The following MYH14 variants were observed in gnomAD, a reference collection of about 807,000 sequenced individuals.
MYH14 encodes the protein myosin-14.
In MYH14, 123 loss-of-function variants were observed where a neutral mutation model predicts 255.5. The ratio of observed to expected loss-of-function variants is 0.48; its 90% CI spans 0.42 to 0.56. The LOEUF (loss-of-function observed/expected upper bound fraction) is 0.56, where lower values mean the gene tolerates loss of function less well. Among genes scored for constraint, MYH14 ranks in the 20% least tolerant of loss-of-function variants. The probability of loss-of-function intolerance (pLI) is 0.00; values close to 1 mark genes in which losing one functional copy is unlikely to be tolerated. For missense variants in MYH14, 2,423 were observed against 2,802.3 expected, an observed-to-expected ratio of 0.86 and a Z score of 3.06; for synonymous variants, 1,095 against 1,161.2, an observed-to-expected ratio of 0.94 and a Z score of 1.16.
chr19:50,247,791 T>C (rs594129), intron 12 of MYH14, among the ~76,000 whole-genome samples: 122,134 of 151,774 alleles, frequency 0.8, 49,406 homozygotes, highest in Admixed American at 0.85. Flanking sequence ...TGAGGCCGGG[T>C]GTGGGGGCTC....
chr19:50,303,426 G>C (rs985992606), intron 40 of MYH14, among the ~76,000 whole-genome samples: 1 of 152,176 alleles, frequency 6.6e-6, no homozygotes, highest in African/African-American at 2.4e-5. Flanking sequence ...GCAAGGGAAA[G>C]TGCTAAAGAC....
Position 50,293,648 on chromosome 19 carries a change from G to A in MYH14, c.5430G>A (p.Ser1810=), listed in dbSNP as rs3745509. The change falls in exon 39 of 43, where the codon TCG becomes TCA. Residue 1810 remains serine, a synonymous_variant. Transcript: ENST00000642316. The surrounding 1 kb of genome is among the most constrained non-coding windows in gnomAD (Gnocchi z 4.1). ...EEELEEEQSN[S]ELLNDRYRKL... Reference sequence around the variant, plus strand: ...AGCTGGAGGAGGAGCAGAGCAACTCGGAGCTGCTCAATGACCGCTACCGCA... The same window carrying A: ...AGCTGGAGGAGGAGCAGAGCAACTCAGAGCTGCTCAATGACCGCTACCGCA... 0.74 allele frequency: 1,184,220 copies of A among 1,609,188 alleles called. 442,992 individuals are homozygous for A. Among genetic ancestry groups the A allele is most frequent in the East Asian group, 0.91 (40,884 of 44,862 alleles).
chr19:50,270,889 T>C (rs1600991686), intron 24 of MYH14, among the ~76,000 whole-genome samples: 1 of 151,950 alleles, frequency 6.6e-6, no homozygotes, highest in African/African-American at 2.4e-5. Context: ...AGAGATGGGG[T>C]TTCACCGTGT....
intron 33 of MYH14, among the ~76,000 whole-genome samples, chr19:50,283,980 G>A (rs1413314018): frequency 6.6e-6 from 1 of 151,936 alleles, no homozygotes; most frequent in Non-Finnish European, 1.5e-5. Context: ...GCTGAGGCAG[G>A]AGAATCGCTT....
intron 10 of MYH14, among the ~76,000 whole-genome samples, chr19:50,237,333 T>G (rs611975): frequency 0.14 from 20,931 of 150,856 alleles, 1,632 homozygotes; most frequent in South Asian, 0.19. Context: ...GAACATTTTT[T>G]TTTTTTTTTG....
In MYH14 at chr19:50,266,517, C is replaced by T. The variant is rs1166095263; in HGVS notation, c.2695-360C>T. Among the ~76,000 whole-genome samples the T allele has an allele frequency of 6.6e-6, 1 of 152,104 alleles. No individual in the cohort carries two copies. Among genetic ancestry groups the T allele is most frequent in the Non-Finnish European group, 1.5e-5 (1 of 68,030 alleles). The stretch of plus-strand genomic sequence containing the variant: ...GAGGTTGCAGTGAGCCGAGATCCCA[C>T]CACTGCACTCCAGCCTGGGCGAGAG... On this transcript the variant is annotated intron_variant, in intron 22 of 42. Transcript: ENST00000642316. The surrounding 1 kb of genome is among the most constrained non-coding windows in gnomAD (Gnocchi z 4.1).
In MYH14 at chr19:50,280,086, C is replaced by T. The variant is rs768760301; in HGVS notation, c.4082C>T (p.Thr1361Ile). The T allele has an allele frequency of 1.2e-6, 2 of 1,611,168 alleles. No individual in the cohort carries two copies. The highest frequency in any genetic ancestry group is 1.7e-5 in the Admixed American group (1 of 59,606). Reference protein sequence around the residue: ...SGALNEAESKTIRLSKELSST... With the variant: ...SGALNEAESKIIRLSKELSST... ...GCGCTGAACGAGGCTGAGTCCAAAA[C>T]CATCCGTCTTAGCAAGGAGCTGAGC... The change falls in exon 31 of 43, where the codon ACC becomes ATC. Residue 1361 changes from threonine to isoleucine, a missense_variant. Around this residue, in one of 3 missense-constraint regions of MYH14, gnomAD observed 1,513 missense variants for 1,674.8 expected, o/e 0.90. Coordinates refer to ENST00000642316, the MANE Select transcript of MYH14 (RefSeq NM_001145809.2). This position sits in a 1 kb window ranked among gnomAD's most constrained non-coding sequence, Gnocchi z 4.8.
chr19:50,309,616 T>C (rs1361893035), intron 42 of MYH14, 24 bp from the exon 43 acceptor site: 4 of 1,535,556 alleles, frequency 2.6e-6, no homozygotes, highest in Non-Finnish European at 3.5e-6. Context: ...TTCATCTCTG[T>C]ATCCTGGTCT....
chr19:50,244,126 C>T, intron 10 of MYH14, 116 bp from the exon 11 acceptor site: 2 of 805,174 alleles, frequency 2.5e-6, no homozygotes. Flanking sequence ...AGATTTTAAG[C>T]TGAGGGGTGG....
rs780868698 is a variant in MYH14 at position 50,259,237 on chromosome 19, C to T, written c.2326C>T (p.Arg776Cys). Residue 776 changes from arginine (R) to cysteine (C), a missense_variant, in exon 19 of 43, where the codon CGC (arginine) becomes TGC (cysteine). Transcript: ENST00000642316. ...IRICRQGFPN[R>C]ILFQEFRQRY... ...CATCTGTCGCCAGGGCTTCCCCAACCGCATCCTCTTCCAGGAGTTCCGGCA... is the reference window on the plus strand; with the variant it reads ...CATCTGTCGCCAGGGCTTCCCCAACTGCATCCTCTTCCAGGAGTTCCGGCA... 4 of 1,587,846 alleles carry T rather than the reference C, an allele frequency of 2.5e-6. No homozygotes were observed. The highest frequency in any genetic ancestry group is 2.3e-5 in the East Asian group (1 of 43,806).
Position 50,252,172 on chromosome 19 carries a change from C to T in MYH14, c.1831-467C>T, listed in dbSNP as rs149509359. 3.9e-5 allele frequency among the ~76,000 whole-genome samples: 6 copies of T among 152,254 alleles called. No homozygotes were observed. Among genetic ancestry groups the T allele is most frequent in the African/African-American group, 1.4e-4 (6 of 41,552 alleles). On this transcript the variant is annotated intron_variant, in intron 15 of 42. Coordinates refer to ENST00000642316, the MANE Select transcript of MYH14 (RefSeq NM_001145809.2). The surrounding 1 kb of genome is among the most constrained non-coding windows in gnomAD (Gnocchi z 4.2). Reference sequence around the variant, plus strand: ...GACCTGGGCCCTGCCCTCGGGGGACCGCTGTCTGGTGGGGGGCACATATGC... The same window carrying T: ...GACCTGGGCCCTGCCCTCGGGGGACTGCTGTCTGGTGGGGGGCACATATGC...
chr19:50,260,913 G>A (rs1349137552), intron 20 of MYH14, among the ~76,000 whole-genome samples, 198 bp downstream of exon 20: 1 of 151,532 alleles, frequency 6.6e-6, no homozygotes, highest in African/African-American at 2.4e-5. Flanking sequence ...GCGTTTGTGT[G>A]CAGGGGCCCA....
In MYH14 at chr19:50,247,022, G is replaced by C; in HGVS notation, c.1229G>C (p.Arg410Pro). The stretch of plus-strand genomic sequence containing the variant: ...CCCTCAGCTGCACAGAAGCTCTGCC[G>C]CCTCTTGGGACTGGGGGTGACGGAT... ...PDNTAAQKLCRLLGLGVTDFS... is the reference protein window; with the variant it reads ...PDNTAAQKLCPLLGLGVTDFS... Residue 410 changes from arginine (R) to proline (P), a missense_variant, in exon 12 of 43, where the codon CGC becomes CCC. Physicochemically the swap from Arg to Pro is moderately radical, Grantham distance 103. This residue lies in a region of MYH14 where 672 missense variants were observed against 881.8 expected (regional missense o/e 0.76). Coordinates refer to ENST00000642316, the MANE Select transcript of MYH14 (RefSeq NM_001145809.2). 1 of 1,612,176 alleles carries C rather than the reference G, an allele frequency of 6.2e-7. No homozygotes were observed. Among genetic ancestry groups the C allele is most frequent in the Non-Finnish European group, 8.5e-7 (1 of 1,179,224 alleles).
At chr19:50,260,239 A>G (rs2034772580) in intron 19 of MYH14, among the ~76,000 whole-genome samples, 1 of 152,148 alleles carries the variant, frequency 6.6e-6, no homozygotes, top group South Asian at 2.1e-4. Flanking sequence ...CAGCCTGGCC[A>G]TCATGGAGAA....
intron 16 of MYH14, among the ~76,000 whole-genome samples, chr19:50,254,339 T>C (rs2034513193): frequency 6.6e-6 from 1 of 152,146 alleles, no homozygotes; most frequent in South Asian, 2.1e-4. Flanking sequence ...GCTAGAAAGA[T>C]AGATTTTATT....
Position 50,293,207 on chromosome 19 carries a change from C to A in MYH14, c.5257-26C>A. Reference sequence around the variant, plus strand: ...TGCCCAGATTGCTTCTCCTCACACCCACCGGCCACCCCTCCATCATCACAG... The same window carrying A: ...TGCCCAGATTGCTTCTCCTCACACCAACCGGCCACCCCTCCATCATCACAG... On this transcript the variant is annotated intron_variant, in intron 37 of 42. Coordinates refer to ENST00000642316, the MANE Select transcript of MYH14 (RefSeq NM_001145809.2). This position sits in a 1 kb window ranked among gnomAD's most constrained non-coding sequence, Gnocchi z 4.1. The A allele has an allele frequency of 6.4e-7, 1 of 1,561,028 alleles. No homozygotes were observed. Among genetic ancestry groups the A allele is most frequent in the Non-Finnish European group, 8.7e-7 (1 of 1,147,616 alleles).
At chr19:50,227,757 A>C (rs1452526558) in intron 8 of MYH14, among the ~76,000 whole-genome samples, 2 of 152,144 alleles carry the variant, frequency 1.3e-5, no homozygotes, top group Non-Finnish European at 2.9e-5. Context: ...AATTAAGAGA[A>C]TGGGCCAAGA....
chr19:50,271,626 G>C, intron 25 of MYH14, 80 bp downstream of exon 25: 1 of 1,541,352 alleles, frequency 6.5e-7, no homozygotes, highest in Non-Finnish European at 8.8e-7. Flanking sequence ...CACGCCATGG[G>C]GGTTACCACA....
At chr19:50,291,520 C>T (rs535802956) in intron 36 of MYH14, among the ~76,000 whole-genome samples, 1 of 152,222 alleles carries the variant, frequency 6.6e-6, no homozygotes, top group Admixed American at 6.5e-5. Flanking sequence ...GATCTCTTGG[C>T]CTCAAGTGAT....
Sources: allele counts gnomAD v4.1 joint callset (sites outside exome capture counted in the v4.1 genomes callset), GRCh38; gene constraint gnomAD v4.1.1; regional missense constraint gnomAD v4.1.1; non-coding constraint Gnocchi (gnomAD v3.1); transcripts MANE v1.5; gene names NCBI Gene and HGNC (gene_info 2026-07-23, HGNC 2026-07-21).